ADD2: variants seen among roughly 807,000 people sequenced by gnomAD.
ADD2 encodes the protein adducin 2.
In ADD2, 23 loss-of-function variants were observed where a neutral mutation model predicts 83.0. That is an observed-to-expected ratio of 0.28 (90% CI 0.20 to 0.39). The LOEUF (loss-of-function observed/expected upper bound fraction) is 0.39. ADD2 is among the 10% of genes least tolerant of loss of function. The probability of loss-of-function intolerance (pLI) is 1.00; values close to 1 mark genes in which losing one functional copy is unlikely to be tolerated. For missense variants in ADD2, 758 were observed against 944.9 expected (o/e 0.80, Z 2.59); for synonymous variants, 375 against 375.4 (o/e 1.00, Z 0.01).
At chr2:70,767,855 A>AGCCCACCAGGCC in intron 1 of ADD2, 31 bp downstream of exon 1, 1 of 1,535,200 alleles carries the variant, frequency 6.5e-7, no homozygotes, top group African/African-American at 1.4e-5. Flanking sequence ...GACCCCAGGC[A>AGCCCACCAGGCC]GCCCACCAGG....
intron 1 of ADD2, among the ~76,000 whole-genome samples, chr2:70,764,322 T>A (rs1373626562): frequency 1.3e-5 from 2 of 151,998 alleles, no homozygotes; most frequent in Non-Finnish European, 2.9e-5. Flanking sequence ...CTGCTGCTAA[T>A]AAATTGCTGC....
intron 5 of ADD2, 142 bp from the exon 6 acceptor site, chr2:70,695,943 A>T (rs1553372553): frequency 1.4e-6 from 1 of 731,714 alleles, no homozygotes; most frequent in Non-Finnish European, 2.2e-6. Context: ...CCCCAGCCAT[A>T]AGAGATAAAA....
intron 1 of ADD2, among the ~76,000 whole-genome samples, chr2:70,730,347 CCCGTCATGGGCCTATGG>C (rs2104464627): frequency 6.6e-6 from 1 of 152,370 alleles, no homozygotes; most frequent in South Asian, 2.1e-4. Flanking sequence ...ACCCCCTCCA[CCCGTCATGGGCCTATGG>C]GCCAAAATTA....
Position 70,676,221 on chromosome 2 carries a change from G to C in ADD2, c.1593+575C>G. The C allele has an allele frequency of 1.0e-6, 1 of 986,502 alleles. No homozygotes were observed. Among genetic ancestry groups the C allele is most frequent in the Non-Finnish European group, 1.2e-6 (1 of 830,736 alleles). The allele number at this position is 986,502 out of a possible 1,614,324, so 61.1% of individuals were successfully genotyped here. A position where few individuals can be genotyped will look rare whatever the true frequency, so the allele number is the denominator to read the frequency against. On this transcript the variant is annotated intron_variant, in intron 13 of 15. Coordinates refer to ENST00000264436, the MANE Select transcript of ADD2 (RefSeq NM_001617.4). The surrounding 1 kb of genome is among the most constrained non-coding windows in gnomAD (Gnocchi z 4.8). The stretch of plus-strand genomic sequence containing the variant: ...ACTTCACCCCTTTTGCTAAGCACTA[G>C]ACAAAACACTGTTCTATCTCAAGCA...
At chr2:70,681,872 C>T (rs1238068214) in intron 10 of ADD2, among the ~76,000 whole-genome samples, 1 of 151,974 alleles carries the variant, frequency 6.6e-6, no homozygotes, top group African/African-American at 2.4e-5. Flanking sequence ...TACATGCCAC[C>T]ATGCCTGGCC....
At chr2:70,697,187 G>A (rs1237343960) in intron 4 of ADD2, among the ~76,000 whole-genome samples, 7 of 152,238 alleles carry the variant, frequency 4.6e-5, no homozygotes, top group Admixed American at 2.6e-4. Context: ...CAGCCTGAAA[G>A]TAACTTCCTC....
intron 1 of ADD2, among the ~76,000 whole-genome samples, chr2:70,721,959 T>C (rs1178036878): frequency 2.6e-5 from 4 of 152,130 alleles, no homozygotes; most frequent in Admixed American, 6.5e-5. Flanking sequence ...TGCTTTGCAA[T>C]TTCCTGCAAT....
rs900766080 is a variant in ADD2, at chr2:70,661,938, C to G, written c.*1487G>C. 3.3e-5 allele frequency: 5 copies of G among 152,106 alleles called. No homozygotes were observed. The highest frequency in any genetic ancestry group is 2.6e-4 in the Admixed American group (4 of 15,272). The allele number at this position is 152,106 out of a possible 1,614,324, so 9.4% of individuals were successfully genotyped here. A position where few individuals can be genotyped will look rare whatever the true frequency, so the allele number is the denominator to read the frequency against. ...TCATTTTAGGGGGTCAATTTCCTCA[C>G]CCACAAAATGGGAATGATCTTACCC... On this transcript the variant is annotated 3_prime_UTR_variant, in exon 16 of 16. Transcript: ENST00000264436.
Position 70,706,145 on chromosome 2 carries a change from T to A in ADD2, c.183+81A>T. On this transcript the variant is annotated intron_variant, in intron 3 of 15. Coordinates refer to ENST00000264436, the MANE Select transcript of ADD2 (RefSeq NM_001617.4). This position sits in a 1 kb window ranked among gnomAD's most constrained non-coding sequence, Gnocchi z 5.0. Reference sequence around the variant, plus strand: ...TGACCCTGAGCAAGGGAAAGAGGAGTTACTCATCTTTCGGGTGGGTACACG... The same window carrying A: ...TGACCCTGAGCAAGGGAAAGAGGAGATACTCATCTTTCGGGTGGGTACACG... 7.0e-7 allele frequency: 1 copy of A among 1,428,428 alleles called. No homozygotes were observed. The highest frequency in any genetic ancestry group is 1.3e-5 in the South Asian group (1 of 77,012). 88.5% of individuals were successfully genotyped at this position (1,428,428 alleles called of 1,614,324 possible). A position where few individuals can be genotyped will look rare whatever the true frequency, so the allele number is the denominator to read the frequency against.
At chr2:70,707,701 ACT>A (rs1671974143) in intron 2 of ADD2, among the ~76,000 whole-genome samples, 3 of 152,246 alleles carry the variant, frequency 2.0e-5, no homozygotes, top group Non-Finnish European at 4.4e-5. Context: ...GGCAGCATGT[ACT>A]TTGGCTGAAC....
At chr2:70,733,758 A>G (rs1330674838) in intron 1 of ADD2, among the ~76,000 whole-genome samples, 1 of 152,272 alleles carries the variant, frequency 6.6e-6, no homozygotes, top group East Asian at 1.9e-4. Context: ...CAATTTACAG[A>G]TTACATAACT....
At chr2:70,727,299 A>G (rs1305501147) in intron 1 of ADD2, among the ~76,000 whole-genome samples, 1 of 151,294 alleles carries the variant, frequency 6.6e-6, no homozygotes, top group Admixed American at 6.6e-5. Context: ...CAGCCCCAAC[A>G]CTCCCCAACA....
intron 1 of ADD2, among the ~76,000 whole-genome samples, chr2:70,734,446 G>A (rs1309641808): frequency 6.6e-6 from 1 of 152,108 alleles, no homozygotes; most frequent in Non-Finnish European, 1.5e-5. Context: ...ACTCTGGCCT[G>A]CCCCAGGGAA....
chr2:70,753,513 A>T (rs1359198038), intron 1 of ADD2, among the ~76,000 whole-genome samples: 3 of 152,102 alleles, frequency 2.0e-5, no homozygotes, highest in Non-Finnish European at 4.4e-5. Context: ...AAAAGGTCCC[A>T]GAGCCCAGAA....
chr2:70,751,737 AT>A (rs11290038), intron 1 of ADD2, among the ~76,000 whole-genome samples: 41,443 of 152,034 alleles, frequency 0.27, 5,970 homozygotes, highest in Middle Eastern at 0.38. Flanking sequence ...CTACTTGACT[AT>A]TTAGGTTGTT....
chr2:70,754,636 C>T (rs1161098601), intron 1 of ADD2, among the ~76,000 whole-genome samples: 4 of 152,124 alleles, frequency 2.6e-5, no homozygotes, highest in Non-Finnish European at 5.9e-5. Flanking sequence ...TTCCTGCCGA[C>T]GTTGACATCT....
intron 4 of ADD2, among the ~76,000 whole-genome samples, chr2:70,701,543 G>T (rs1400273501): frequency 2.6e-5 from 4 of 152,072 alleles, no homozygotes; most frequent in Non-Finnish European, 4.4e-5. Flanking sequence ...AAACCAATGG[G>T]TAAATGTTGA....
At position 70,672,859 on chromosome 2, in the gene ADD2, C is replaced by A. The variant is rs782391328; in HGVS notation, c.1870+19G>T. On this transcript the variant is annotated intron_variant, in intron 15 of 15. Coordinates refer to ENST00000264436, the MANE Select transcript of ADD2 (RefSeq NM_001617.4). ...ATGCACCCCTCTCCCTCCCTCCCAG[C>A]CTACTCAGCTGGACTCACCCTCTAA... The A allele has an allele frequency of 1.2e-6, 2 of 1,601,794 alleles. No homozygotes were observed. Among genetic ancestry groups the A allele is most frequent in the East Asian group, 2.2e-5 (1 of 44,768 alleles).
intron 1 of ADD2, among the ~76,000 whole-genome samples, chr2:70,725,279 A>G (rs1191971573): frequency 1.3e-5 from 2 of 152,192 alleles, no homozygotes; most frequent in African/African-American, 4.8e-5. Flanking sequence ...AGTGTGGGTA[A>G]ATCAGAAAAC....
Sources: gnomAD v4.1 joint callset for allele counts (sites outside exome capture counted in the v4.1 genomes callset) on GRCh38, gnomAD v4.1.1 for gene constraint, Gnocchi (gnomAD v3.1) non-coding constraint, MANE v1.5 for transcripts, NCBI Gene and HGNC (gene_info 2026-07-23, HGNC 2026-07-21) for gene names.